Variants in PLEKHA7 observed in about 807,000 individuals in gnomAD.
The protein encoded by PLEKHA7 is pleckstrin homology domain containing A7.
A neutral mutation model predicts 170.0 loss-of-function variants in PLEKHA7; 104 were observed. The observed-to-expected ratio is 0.61, with a 90% CI of 0.52 to 0.72. The LOEUF (loss-of-function observed/expected upper bound fraction) is 0.72, where lower values mean the gene tolerates loss of function less well. Ranked by LOEUF, PLEKHA7 falls within the 30% of genes least tolerant of loss-of-function variation. PLEKHA7 has a pLI of 0.00. For synonymous variants in PLEKHA7, 648 were observed against 660.8 expected (o/e 0.98, Z 0.30); for missense variants, 1,615 against 1,671.7 (o/e 0.97, Z 0.59).
Position 16,813,159 on chromosome 11 carries a change from T to A in PLEKHA7, c.1961A>T (p.Asp654Val). The A allele has an allele frequency of 1.2e-6, 2 of 1,613,314 alleles. No homozygotes were observed. Among genetic ancestry groups the A allele is most frequent in the Non-Finnish European group, 1.7e-6 (2 of 1,179,306 alleles). Residue 654 changes from aspartate to valine, a missense_variant, in exon 13 of 27, where the codon GAT becomes GTT. Physicochemically the swap from Asp to Val is radical, Grantham distance 152 (BLOSUM62 -3). Transcript: ENST00000531066. ...GTCTTTCTTCAGCTGGAGGTAGGTATCATCAGCCTTCAAATGAAGCAGAGA... is the reference window on the plus strand; with the variant it reads ...GTCTTTCTTCAGCTGGAGGTAGGTAACATCAGCCTTCAAATGAAGCAGAGA... ...APSLHGKSAD[D>V]TYLQLKKDLE...
Position 16,816,158 on chromosome 11 carries a change from T to C in PLEKHA7, c.1953+20A>G, listed in dbSNP as rs367650918. The C allele has an allele frequency of 1.4e-4, 229 of 1,585,780 alleles. No individual in the cohort carries two copies. Among genetic ancestry groups the C allele is most frequent in the Non-Finnish European group, 2.0e-4 (226 of 1,154,464 alleles). On this transcript the variant is annotated intron_variant, in intron 12 of 26. Coordinates refer to ENST00000531066, the MANE Select transcript of PLEKHA7 (RefSeq NM_001329630.2). ...TGATGAGATAGGGCTTTGCAGGCTA[T>C]GTCTTGTCATTCACCCTACCGATTT...
chr11:16,917,689 A>C (rs1312007859), intron 3 of PLEKHA7, among the ~76,000 whole-genome samples: 1 of 152,202 alleles, frequency 6.6e-6, no homozygotes, highest in Admixed American at 6.5e-5. Flanking sequence ...CCTTCCCTTC[A>C]TCATATCCGA....
chr11:16,925,230 A>G (rs1859425136), intron 3 of PLEKHA7, among the ~76,000 whole-genome samples: 1 of 152,188 alleles, frequency 6.6e-6, no homozygotes, highest in Admixed American at 6.5e-5. Context: ...TGCTGAGGTA[A>G]TCCTGTTAAC....
At chr11:16,911,542 C>G (rs902735213) in intron 3 of PLEKHA7, among the ~76,000 whole-genome samples, 2 of 152,166 alleles carry the variant, frequency 1.3e-5, no homozygotes, top group Non-Finnish European at 2.9e-5. Context: ...CACACACAGC[C>G]AAGGTGCTTA....
In PLEKHA7 at chr11:16,817,457, C is replaced by T. The variant is rs988423952; in HGVS notation, c.1344-135G>A. 2.5e-5 allele frequency: 22 copies of T among 862,892 alleles called. No individual in the cohort carries two copies. Among genetic ancestry groups the T allele is most frequent in the Non-Finnish European group, 3.0e-5 (18 of 596,292 alleles). The allele number at this position is 862,892 out of a possible 1,614,324, so 53.5% of individuals were successfully genotyped here. ...AGAACCTCAAAAGAATGATCAAGGC[C>T]GACATCCAGGACTTCAGTCACTTCC... is the stretch of plus-strand genomic sequence containing the variant. On this transcript the variant is annotated intron_variant, in intron 10 of 26. Transcript: ENST00000531066. The surrounding 1 kb of genome is among the most constrained non-coding windows in gnomAD (Gnocchi z 4.4).
chr11:16,846,389 C>G (rs1852415805), intron 8 of PLEKHA7, among the ~76,000 whole-genome samples: 1 of 152,176 alleles, frequency 6.6e-6, no homozygotes, highest in Non-Finnish European at 1.5e-5. Flanking sequence ...CCAAGCAGCA[C>G]AGTGAACAGG....
intron 17 of PLEKHA7, 149 bp from the exon 18 acceptor site, chr11:16,795,167 A>G: frequency 4.8e-6 from 3 of 620,250 alleles, no homozygotes; most frequent in Non-Finnish European, 5.8e-6. Flanking sequence ...AGCCTGCTTC[A>G]TAGCTTTCTA....
intron 3 of PLEKHA7, among the ~76,000 whole-genome samples, chr11:16,871,837 T>A (rs1181853909): frequency 1.3e-5 from 2 of 152,214 alleles, no homozygotes; most frequent in Non-Finnish European, 2.9e-5. Context: ...AAAGGCTGCT[T>A]GGTTCTTTGA....
intron 5 of PLEKHA7, 133 bp downstream of exon 5, chr11:16,855,670 G>C (rs538451700): frequency 1.4e-6 from 1 of 708,472 alleles, no homozygotes; most frequent in Non-Finnish European, 2.4e-6. Flanking sequence ...TTCCTGATCT[G>C]TCATTTGGGG....
chr11:16,924,223 C>A (rs1021725453), intron 3 of PLEKHA7, among the ~76,000 whole-genome samples: 1 of 152,200 alleles, frequency 6.6e-6, no homozygotes, highest in Non-Finnish European at 1.5e-5. Flanking sequence ...GAGGGAGGAG[C>A]CTCACTCCAC....
intron 3 of PLEKHA7, among the ~76,000 whole-genome samples, chr11:16,911,474 G>T (rs193143957): frequency 9.7e-4 from 148 of 152,246 alleles, no homozygotes; most frequent in African/African-American, 3.4e-3. Flanking sequence ...GTGTGCATTA[G>T]CCAAAAAGGA....
intron 3 of PLEKHA7, among the ~76,000 whole-genome samples, chr11:16,957,898 A>T (rs11024087): frequency 0.9 from 135,869 of 151,530 alleles, 60,970 homozygotes; most frequent in African/African-American, 0.94. Flanking sequence ...AGACACGGAG[A>T]TTCACCATGC....
At chr11:16,866,099 G>A (rs1053898662) in intron 4 of PLEKHA7, among the ~76,000 whole-genome samples, 5 of 151,818 alleles carry the variant, frequency 3.3e-5, no homozygotes, top group African/African-American at 1.2e-4. Flanking sequence ...AAAGTGCTGG[G>A]ATTACAGGTG....
Position 16,782,746 on chromosome 11 carries a change from G to C in PLEKHA7, c.3793+8C>G. On this transcript the variant is annotated splice_region_variant and intron_variant, in intron 26 of 26. Coordinates refer to ENST00000531066, the MANE Select transcript of PLEKHA7 (RefSeq NM_001329630.2). ...ATCCAGGCCTTGGGGGCTGGGCCAT[G>C]GCCTTACCTGCCACCTGCTTGCTAC... The C allele has an allele frequency of 6.5e-7, 1 of 1,535,928 alleles. No individual in the cohort carries two copies. Among genetic ancestry groups the C allele is most frequent in the Non-Finnish European group, 8.7e-7 (1 of 1,146,840 alleles).
intron 9 of PLEKHA7, among the ~76,000 whole-genome samples, chr11:16,836,804 T>TGG (rs59154625): frequency 4.6e-5 from 5 of 107,852 alleles, no homozygotes; most frequent in Non-Finnish European, 9.4e-5. Context: ...GGCTTTTTTT[T>TGG]TTTGTTTTTT....
intron 3 of PLEKHA7, among the ~76,000 whole-genome samples, chr11:16,937,397 G>C (rs1590665258): frequency 6.6e-6 from 1 of 152,134 alleles, no homozygotes; most frequent in East Asian, 1.9e-4. Flanking sequence ...AAGCACATGA[G>C]AATGTACATC....
At chr11:16,819,797 A>G (rs2134777143) in intron 10 of PLEKHA7, among the ~76,000 whole-genome samples, 1 of 152,336 alleles carries the variant, frequency 6.6e-6, no homozygotes, top group South Asian at 2.1e-4. Flanking sequence ...AGGTTTTGGG[A>G]GGGAGAGGAG....
Position 16,920,572 on chromosome 11 carries a change from A to G in PLEKHA7, c.222-49390T>C, listed in dbSNP as rs562852514. 2.0e-5 allele frequency among the ~76,000 whole-genome samples: 3 copies of G among 152,350 alleles called. No homozygotes were observed. The East Asian group carries it at 5.8e-4, about 29-fold the overall frequency. On this transcript the variant is annotated intron_variant, in intron 3 of 26. Coordinates refer to ENST00000531066, the MANE Select transcript of PLEKHA7 (RefSeq NM_001329630.2). ...ATTCTAAATTTCCCACAAAGTGTAC[A>G]TAATAGGAAAAATTATTTAAATTAT...
intron 17 of PLEKHA7, among the ~76,000 whole-genome samples, chr11:16,799,405 G>A (rs1215094226): frequency 6.6e-6 from 1 of 152,176 alleles, no homozygotes; most frequent in Non-Finnish European, 1.5e-5. Context: ...GGAGGGTGAT[G>A]GGAGGGGCAG....
Sources: allele counts gnomAD v4.1 joint callset (sites outside exome capture counted in the v4.1 genomes callset), GRCh38; gene constraint gnomAD v4.1.1; non-coding constraint Gnocchi (gnomAD v3.1); transcripts MANE v1.5; gene names NCBI Gene and HGNC (gene_info 2026-07-23, HGNC 2026-07-21).